The following ZNF112 variants were observed in gnomAD, a reference collection of about 807,000 sequenced individuals.
ZNF112 encodes zinc finger protein 112.
A neutral mutation model predicts 77.7 loss-of-function variants in ZNF112; 37 were observed. The observed-to-expected ratio is 0.48, with a 90% CI of 0.37 to 0.63. The LOEUF is 0.63. Among genes scored for constraint, ZNF112 ranks in the 20% least tolerant of loss-of-function variants. The probability of loss-of-function intolerance (pLI) is 0.00; values close to 1 mark genes in which losing one functional copy is unlikely to be tolerated. For missense variants in ZNF112, 950 were observed against 1,077.4 expected, an observed-to-expected ratio of 0.88 and a Z score of 1.66; for synonymous variants, 333 against 363.6, an observed-to-expected ratio of 0.92 and a Z score of 0.96.
intron 1 of ZNF112, 104 bp from the exon 2 acceptor site, chr19:44,340,646 A>G: frequency 6.6e-7 from 1 of 1,514,754 alleles, no homozygotes; most frequent in South Asian, 1.2e-5. Flanking sequence ...CTTGAGTCAC[A>G]TTTACATAGT....
intron 1 of ZNF112, among the ~76,000 whole-genome samples, chr19:44,344,892 G>A (rs1367930910): frequency 6.6e-6 from 1 of 152,192 alleles, no homozygotes; most frequent in East Asian, 1.9e-4. Flanking sequence ...ACATGCTTTA[G>A]AGGAACTCCC....
At chr19:44,364,065 A>T (rs939810837) in intron 1 of ZNF112, among the ~76,000 whole-genome samples, 1 of 152,142 alleles carries the variant, frequency 6.6e-6, no homozygotes, top group Non-Finnish European at 1.5e-5. Context: ...ACCTGCCACC[A>T]TGCCTGGCTA....
At chr19:44,359,588 C>G (rs1970834959), upstream of ZNF112, among the ~76,000 whole-genome samples, 1 of 152,120 alleles carries the variant, frequency 6.6e-6, no homozygotes. Flanking sequence ...TCCCAAAGTG[C>G]TGGCATTACA....
chr19:44,365,392 C>T (rs994383734), intron 1 of ZNF112, among the ~76,000 whole-genome samples: 4 of 151,882 alleles, frequency 2.6e-5, no homozygotes, highest in Admixed American at 6.6e-5. Context: ...CCTGGGAGTT[C>T]GAGGCTGCAG....
rs377135424 is a variant in ZNF112 at position 44,332,899 on chromosome 19, C to T, written c.221-2963G>A. ...TGTAACAACATTAATTTCCTTTAGT[C>T]AATGGTATAGACCGAAACACCTTGT... On this transcript the variant is annotated intron_variant, in intron 3 of 3. Transcript: ENST00000354340. 4.6e-3 allele frequency among the ~76,000 whole-genome samples: 696 copies of T among 152,294 alleles called. 6 individuals are homozygous for T. The highest frequency in any genetic ancestry group is 0.016 in the African/African-American group (674 of 41,552).
intron 1 of ZNF112, among the ~76,000 whole-genome samples, chr19:44,343,480 G>A (rs141292258): frequency 1.6e-4 from 25 of 152,302 alleles, no homozygotes; most frequent in South Asian, 8.3e-4. Context: ...CAGGGTGCCC[G>A]CATGCACGGA....
intron 3 of ZNF112, among the ~76,000 whole-genome samples, chr19:44,332,361 A>C (rs1218473583): frequency 6.6e-6 from 1 of 152,230 alleles, no homozygotes; most frequent in African/African-American, 2.4e-5. Context: ...AAGGTATATC[A>C]GTAGGTATGC....
In ZNF112 at chr19:44,339,265, G is replaced by A. The variant is rs944517803; in HGVS notation, c.124+1151C>T. Reference sequence around the variant, plus strand: ...CCTTTGGCTTCTGGAGAAGGTAATCGCTAAGTCCCTGGAATATACTGCCCG... The same window carrying A: ...CCTTTGGCTTCTGGAGAAGGTAATCACTAAGTCCCTGGAATATACTGCCCG... On this transcript the variant is annotated intron_variant, in intron 2 of 3. Coordinates refer to ENST00000354340, the MANE Select transcript of ZNF112 (RefSeq NM_013380.4). Among the ~76,000 whole-genome samples the A allele has an allele frequency of 5.9e-5, 9 of 152,118 alleles. No individual in the cohort carries two copies. In the East Asian group the frequency reaches 7.7e-4, roughly 13 times the overall value.
intron 1 of ZNF112, among the ~76,000 whole-genome samples, chr19:44,351,149 G>A (rs945971087): frequency 6.6e-6 from 1 of 152,098 alleles, no homozygotes; most frequent in African/African-American, 2.4e-5. Flanking sequence ...TTCTGCTTCT[G>A]TTATCATGTC....
chr19:44,331,003 T>G (rs1296104049), intron 3 of ZNF112, among the ~76,000 whole-genome samples: 1 of 152,224 alleles, frequency 6.6e-6, no homozygotes, highest in Non-Finnish European at 1.5e-5. Context: ...GCATCACATA[T>G]CCTGTCACTA....
At chr19:44,337,507 T>A (rs67711424) in intron 2 of ZNF112, among the ~76,000 whole-genome samples, 1 of 135,078 alleles carries the variant, frequency 7.4e-6, no homozygotes, top group Non-Finnish European at 1.6e-5. Context: ...ATACTATTAA[T>A]ATTCTTTTGG....
chr19:44,330,352 A>C (rs1018372419), intron 3 of ZNF112, among the ~76,000 whole-genome samples: 2 of 152,208 alleles, frequency 1.3e-5, no homozygotes, highest in Non-Finnish European at 2.9e-5. Context: ...TAGCATCTAC[A>C]TAATTCAGGA....
intron 1 of ZNF112, among the ~76,000 whole-genome samples, chr19:44,347,461 C>T (rs1415635238): frequency 3.1e-5 from 4 of 128,704 alleles, no homozygotes; most frequent in African/African-American, 1.1e-4. Context: ...TCTATTACCC[C>T]TTTTTCTGCC....
intron 1 of ZNF112, among the ~76,000 whole-genome samples, chr19:44,364,836 A>G (rs934665203): frequency 1.3e-5 from 2 of 152,180 alleles, no homozygotes; most frequent in African/African-American, 4.8e-5. Flanking sequence ...TTTGATTTCC[A>G]TAAGGGTCCC....
In ZNF112 at chr19:44,327,964, T is replaced by C. The variant is rs921015389; in HGVS notation, c.2193A>G (p.Gln731=). Reference sequence around the variant, plus strand: ...CTCTAGTGTGGACTCTCTGATGACCTTGAAGATATGCTCTCTGACTGAAGC... The same window carrying C: ...CTCTAGTGTGGACTCTCTGATGACCCTGAAGATATGCTCTCTGACTGAAGC... ...GKGFSQRAYL[Q]GHQRVHTRVK... The change falls in exon 4 of 4, where the codon CAA becomes CAG. Residue 731 remains glutamine, a synonymous_variant. Coordinates refer to ENST00000354340, the MANE Select transcript of ZNF112 (RefSeq NM_013380.4). The C allele has an allele frequency of 3.1e-6, 5 of 1,609,532 alleles. No homozygotes were observed. In the African/African-American group the frequency reaches 4.1e-5, roughly 13 times the overall value.
In ZNF112 at chr19:44,343,345, A is replaced by G. The variant is rs1355065924; in HGVS notation, c.-3-2803T>C. 2.0e-6 allele frequency: 3 copies of G among 1,497,556 alleles called. No individual in the cohort carries two copies. In the South Asian group the frequency reaches 3.5e-5, roughly 18 times the overall value. 92.8% of individuals were successfully genotyped at this position (1,497,556 alleles called of 1,614,324 possible). The stretch of plus-strand genomic sequence containing the variant: ...GGTAATACGAAAGAAGCCATGATTA[A>G]AAGGGAAACGTATCTTTGTGCAAAT... On this transcript the variant is annotated intron_variant, in intron 1 of 3. Coordinates refer to ENST00000354340, the MANE Select transcript of ZNF112 (RefSeq NM_013380.4).
chr19:44,355,920 T>C (rs1774026711), intron 1 of ZNF112, among the ~76,000 whole-genome samples: 1 of 152,166 alleles, frequency 6.6e-6, no homozygotes, highest in African/African-American at 2.4e-5. Context: ...CGCTGCCAAG[T>C]GCCAAAGGGT....
chr19:44,330,783 C>T (rs913627436), intron 3 of ZNF112, among the ~76,000 whole-genome samples: 1 of 152,180 alleles, frequency 6.6e-6, no homozygotes, highest in Non-Finnish European at 1.5e-5. Context: ...ATGGATTAAT[C>T]ATGGGTTTCC....
At chr19:44,359,315 C>CTTTTTTTTTTTT (rs767955186), upstream of ZNF112, among the ~76,000 whole-genome samples, 6 of 54,858 alleles carry the variant, frequency 1.1e-4, 1 homozygote, top group African/African-American at 4.2e-4. Flanking sequence ...TATTAGAGTT[C>CTTTTTTTTTTTT]TTTTTTTTTT....
Sources: gnomAD v4.1 joint callset for allele counts (sites outside exome capture counted in the v4.1 genomes callset) on GRCh38, gnomAD v4.1.1 for gene constraint, MANE v1.5 for transcripts, NCBI Gene and HGNC (gene_info 2026-07-23, HGNC 2026-07-21) for gene names.